Variants in NR6A1 observed in about 807,000 individuals in gnomAD.
The protein encoded by NR6A1 is retinoic acid receptor-related testis-associated receptor.
Under a neutral mutation model 59.1 loss-of-function variants are expected in NR6A1, and 7 were observed. That is an observed-to-expected ratio of 0.12 (90% CI 0.07 to 0.22). The LOEUF is 0.22. Ranked by LOEUF, NR6A1 falls within the 10% of genes least tolerant of loss-of-function variation. NR6A1 has a pLI of 1.00. For missense variants in NR6A1, 468 were observed against 611.6 expected (o/e 0.77, Z 2.48); for synonymous variants, 243 against 236.1 (o/e 1.03, Z -0.27).
chr9:124,557,993 C>A (rs1439746603), intron 2 of NR6A1, among the ~76,000 whole-genome samples: 1 of 152,138 alleles, frequency 6.6e-6, no homozygotes. Flanking sequence ...CCTCAAAACC[C>A]CATACATAGG....
At chr9:124,715,653 AAAAAAAG>A (rs1348211468) in intron 2 of NR6A1, among the ~76,000 whole-genome samples, 1 of 152,148 alleles carries the variant, frequency 6.6e-6, no homozygotes, top group African/African-American at 2.4e-5. Flanking sequence ...AAGTTTTGTT[AAAAAAAG>A]AAAAAAGAAA....
Position 124,719,692 on chromosome 9 carries a change from G to A in NR6A1, c.142+13616C>T, listed in dbSNP as rs76607080. Among the ~76,000 whole-genome samples the A allele has an allele frequency of 4.7e-3, 714 of 152,182 alleles. 5 individuals are homozygous for A. The highest frequency in any genetic ancestry group is 0.016 in the African/African-American group (647 of 41,534). ...TCAGCACTCTGGGAAGCCGAGGTGCGCGGATTGCTTGAGTCTAGGAGTTGG... is the reference window on the plus strand; with the variant it reads ...TCAGCACTCTGGGAAGCCGAGGTGCACGGATTGCTTGAGTCTAGGAGTTGG... On this transcript the variant is annotated intron_variant, in intron 2 of 9. Coordinates refer to ENST00000487099, the MANE Select transcript of NR6A1 (RefSeq NM_033334.4).
At chr9:124,525,695 C>CTA (rs1311914722) in intron 8 of NR6A1, among the ~76,000 whole-genome samples, 208 of 149,572 alleles carry the variant, frequency 1.4e-3, no homozygotes, top group East Asian at 6.0e-3. Context: ...CTCTCTCTCT[C>CTA]TCTCTATATA....
chr9:124,604,088 C>T (rs1023339462), intron 2 of NR6A1, among the ~76,000 whole-genome samples: 2 of 152,176 alleles, frequency 1.3e-5, no homozygotes, highest in African/African-American at 4.8e-5. Flanking sequence ...CTCCTGATGG[C>T]AAAGGAATCC....
intron 2 of NR6A1, among the ~76,000 whole-genome samples, chr9:124,704,669 T>C (rs1349304537): frequency 6.6e-6 from 1 of 152,164 alleles, no homozygotes; most frequent in African/African-American, 2.4e-5. Flanking sequence ...GCTGTAAATC[T>C]TCCTCTAAGC....
intron 2 of NR6A1, among the ~76,000 whole-genome samples, chr9:124,652,798 A>T (rs1837144126): frequency 6.6e-6 from 1 of 152,200 alleles, no homozygotes; most frequent in South Asian, 2.1e-4. Flanking sequence ...TACTTTAAAA[A>T]GCCAAGATTA....
At chr9:124,601,225 G>C (rs1835438127) in intron 2 of NR6A1, among the ~76,000 whole-genome samples, 1 of 151,822 alleles carries the variant, frequency 6.6e-6, no homozygotes, top group African/African-American at 2.4e-5. Context: ...GCAGTGAGCA[G>C]AGATCACGCC....
At chr9:124,659,376 G>A (rs1588752910) in intron 2 of NR6A1, among the ~76,000 whole-genome samples, 3 of 152,194 alleles carry the variant, frequency 2.0e-5, no homozygotes, top group African/African-American at 2.4e-5. Context: ...TCCCAGCTCC[G>A]CTTTGTGCAA....
chr9:124,561,394 T>C (rs1304448769), intron 2 of NR6A1, among the ~76,000 whole-genome samples: 2 of 152,122 alleles, frequency 1.3e-5, no homozygotes, highest in Non-Finnish European at 2.9e-5. Flanking sequence ...GCTGTGATCA[T>C]GCCACTGCAC....
At chr9:124,720,214 G>A (rs1331441883) in intron 2 of NR6A1, among the ~76,000 whole-genome samples, 2 of 151,928 alleles carry the variant, frequency 1.3e-5, no homozygotes, top group Non-Finnish European at 2.9e-5. Context: ...ACCACGTCCA[G>A]GTAATTTTGT....
At chr9:124,554,683 G>C in intron 2 of NR6A1, 113 bp from the exon 3 acceptor site, 1 of 1,327,776 alleles carries the variant, frequency 7.5e-7, no homozygotes, top group Non-Finnish European at 1.0e-6. Context: ...CCAGGCTAAA[G>C]GGCAAACAGG....
chr9:124,543,986 C>T, intron 3 of NR6A1, 129 bp from the exon 4 acceptor site: 1 of 707,662 alleles, frequency 1.4e-6, no homozygotes, highest in Admixed American at 2.6e-5. Context: ...AACACAGGTC[C>T]TTCTGGATCC....
chr9:124,621,609 A>G (rs570607710), intron 2 of NR6A1, among the ~76,000 whole-genome samples: 4 of 152,186 alleles, frequency 2.6e-5, no homozygotes, highest in African/African-American at 4.8e-5. Context: ...AGCTGTGACC[A>G]TACCACTGCA....
intron 2 of NR6A1, among the ~76,000 whole-genome samples, chr9:124,711,572 C>A (rs573263228): frequency 1.3e-5 from 2 of 152,308 alleles, no homozygotes; most frequent in African/African-American, 2.4e-5. Flanking sequence ...TAGATTTCTT[C>A]TTTTTATCAT....
At chr9:124,546,031 C>T (rs780686878) in intron 3 of NR6A1, among the ~76,000 whole-genome samples, 2 of 152,200 alleles carry the variant, frequency 1.3e-5, no homozygotes, top group Non-Finnish European at 2.9e-5. Context: ...AGGAGAATTG[C>T]TTGAACCCGG....
At chr9:124,635,717 A>G (rs1836590257) in intron 2 of NR6A1, among the ~76,000 whole-genome samples, 1 of 152,156 alleles carries the variant, frequency 6.6e-6, no homozygotes, top group Admixed American at 6.5e-5. Flanking sequence ...TCTTTTTAGA[A>G]CTGAATGATT....
intron 1 of NR6A1, among the ~76,000 whole-genome samples, chr9:124,756,893 C>T (rs1165656977): frequency 2.6e-5 from 4 of 151,474 alleles, no homozygotes; most frequent in Non-Finnish European, 5.9e-5. Flanking sequence ...TATAAGAATT[C>T]GAAGGTAGCC....
At chr9:124,551,922 T>C (rs1833789571) in intron 3 of NR6A1, among the ~76,000 whole-genome samples, 1 of 152,126 alleles carries the variant, frequency 6.6e-6, no homozygotes, top group African/African-American at 2.4e-5. Context: ...AACCAGGAGG[T>C]GGCAGGGTTT....
At chr9:124,573,285 C>T (rs551708784) in intron 2 of NR6A1, among the ~76,000 whole-genome samples, 1 of 152,164 alleles carries the variant, frequency 6.6e-6, no homozygotes, top group Non-Finnish European at 1.5e-5. Context: ...TGCTTCAGTG[C>T]TTAAAGGGGT....
Sources: allele counts gnomAD v4.1 joint callset (sites outside exome capture counted in the v4.1 genomes callset), GRCh38; gene constraint gnomAD v4.1.1; transcripts MANE v1.5; gene names NCBI Gene and HGNC (gene_info 2026-07-23, HGNC 2026-07-21).